Variants in ABCA12 observed in about 807,000 individuals in gnomAD.
The protein encoded by ABCA12 is glucosylceramide transporter ABCA12.
In ABCA12, 156 loss-of-function variants were observed where a neutral mutation model predicts 293.5. The observed-to-expected ratio is 0.53, with a 90% CI of 0.47 to 0.61. ABCA12 has a LOEUF of 0.61. Ranked by LOEUF, ABCA12 falls within the 20% of genes least tolerant of loss-of-function variation. The probability of loss-of-function intolerance (pLI) is 0.00; values close to 1 mark genes in which losing one functional copy is unlikely to be tolerated. For synonymous variants in ABCA12, 1,063 were observed against 1,108.0 expected (o/e 0.96, Z 0.81); for missense variants, 2,797 against 3,090.2 (o/e 0.91, Z 2.25).
intron 2 of ABCA12, among the ~76,000 whole-genome samples, chr2:215,111,043 C>T (rs776586457): frequency 3.3e-5 from 5 of 152,350 alleles, no homozygotes; most frequent in Admixed American, 1.3e-4. Context: ...AAGAAAATAA[C>T]GGAGTGTCGG....
rs181244475 is a variant in ABCA12 at position 214,967,121 on chromosome 2, C to T, written c.5779-168G>A. Among the ~76,000 whole-genome samples, 412 of 152,158 alleles carry T rather than the reference C, an allele frequency of 2.7e-3. 1 individual carries two copies. The highest frequency in any genetic ancestry group is 9.7e-3 in the African/African-American group (401 of 41,514). On this transcript the variant is annotated intron_variant, in intron 38 of 52. Transcript: ENST00000272895. ...TGTTCTCTAGAGTACTGACCATAGG[C>T]CTATAAATTTCCAATTTAGAAACAG...
rs1291238079 is a variant in ABCA12 at position 215,011,333 on chromosome 2, T to G, written c.2332+106A>C. 9.3e-6 allele frequency: 8 copies of G among 858,864 alleles called. 1 individual carries two copies. The highest frequency in any genetic ancestry group is 1.5e-5 in the Non-Finnish European group (8 of 535,892). The allele number at this position is 858,864 out of a possible 1,614,324, so 53.2% of individuals were successfully genotyped here. On this transcript the variant is annotated intron_variant, in intron 17 of 52. Coordinates refer to ENST00000272895, the MANE Select transcript of ABCA12 (RefSeq NM_173076.3). ...GTATAATTATTTTCTATTTTTATTC[T>G]TGGGGAAAATTAATACTTCATTTAT...
chr2:215,016,609 A>AAAAAAAAAAAAAAAAAAAAAC (rs1700511530), intron 14 of ABCA12, among the ~76,000 whole-genome samples: 1 of 143,998 alleles, frequency 6.9e-6, no homozygotes, highest in Non-Finnish European at 1.5e-5. Context: ...AAAAAAAAAA[A>AAAAAAAAAAAAAAAAAAAAAC]AAAAAGACTT....
chr2:215,116,108 T>C (rs964803347), intron 1 of ABCA12, among the ~76,000 whole-genome samples: 1 of 152,190 alleles, frequency 6.6e-6, no homozygotes, highest in Non-Finnish European at 1.5e-5. Context: ...ATGAGCAAAA[T>C]GGGCATAAAC....
intron 44 of ABCA12, among the ~76,000 whole-genome samples, chr2:214,951,676 G>T (rs1698776485): frequency 1.3e-5 from 2 of 152,170 alleles, no homozygotes; most frequent in African/African-American, 4.8e-5. Context: ...AGAATTGCTT[G>T]AACCTGGGAG....
chr2:214,932,611 T>G lies in ABCA12; in HGVS notation c.*23A>C. 471 of 1,532,858 alleles carry G rather than the reference T, an allele frequency of 3.1e-4. No homozygotes were observed. Among genetic ancestry groups the G allele is most frequent in the Non-Finnish European group, 3.8e-4 (422 of 1,106,492 alleles). 95.0% of individuals were successfully genotyped at this position (1,532,858 alleles called of 1,614,324 possible). On this transcript the variant is annotated 3_prime_UTR_variant, in exon 53 of 53. Coordinates refer to ENST00000272895, the MANE Select transcript of ABCA12 (RefSeq NM_173076.3). ...CAAAATGAAGCCATTGGTCACACGC[T>G]GAGATTGAGTTTGCTGGAAGTGTTA...
chr2:215,034,953 A>G (rs544801077), intron 8 of ABCA12, among the ~76,000 whole-genome samples: 2 of 152,338 alleles, frequency 1.3e-5, no homozygotes, highest in South Asian at 4.2e-4. Context: ...ATAACAGAGT[A>G]AAAAACCAAG....
intron 2 of ABCA12, 43 bp from the exon 3 acceptor site, chr2:215,064,262 G>C (rs746280510): frequency 1.3e-6 from 2 of 1,597,110 alleles, no homozygotes; most frequent in South Asian, 2.2e-5. Context: ...TGGCACATTT[G>C]TCTGGGAAAG....
chr2:214,942,556 A>G (rs1049896757), intron 50 of ABCA12, among the ~76,000 whole-genome samples: 3 of 152,204 alleles, frequency 2.0e-5, no homozygotes, highest in African/African-American at 4.8e-5. Context: ...GATACAATCT[A>G]TGCCTTCATT....
intron 50 of ABCA12, among the ~76,000 whole-genome samples, chr2:214,937,969 A>G (rs1698273006): frequency 6.6e-6 from 1 of 151,932 alleles, no homozygotes; most frequent in South Asian, 2.1e-4. Flanking sequence ...TGTGTTTATT[A>G]TTATACTTTA....
At chr2:215,122,968 T>G (rs1407420909) in intron 1 of ABCA12, among the ~76,000 whole-genome samples, 1 of 152,118 alleles carries the variant, frequency 6.6e-6, no homozygotes, top group Non-Finnish European at 1.5e-5. Context: ...CCAGAGTATT[T>G]TTTCTGTCTT....
Position 215,114,541 on chromosome 2 carries a change from A to G in ABCA12, c.70-2851T>C, listed in dbSNP as rs561555630. Among the ~76,000 whole-genome samples, 282 of 152,238 alleles carry G rather than the reference A, an allele frequency of 1.9e-3. 2 individuals carry two copies. Among genetic ancestry groups the G allele is most frequent in the African/African-American group, 6.3e-3 (261 of 41,554 alleles). ...AGGAGACAAGGATCTGAATCCCAAG[A>G]TACATAGGAGGCCAGGATTCTTTTT... On this transcript the variant is annotated intron_variant, in intron 1 of 52. Transcript: ENST00000272895.
At chr2:215,102,854 G>A (rs1383340826) in intron 2 of ABCA12, among the ~76,000 whole-genome samples, 2 of 152,168 alleles carry the variant, frequency 1.3e-5, no homozygotes, top group African/African-American at 2.4e-5. Context: ...CTACGTTGGA[G>A]CTAAGGAAAA....
chr2:215,030,318 G>A (rs751343786), intron 9 of ABCA12: 4 of 152,124 alleles, frequency 2.6e-5, no homozygotes, highest in Non-Finnish European at 4.4e-5. Flanking sequence ...TATTTGGCCG[G>A]GCGCAGTGGC....
Position 215,015,604 on chromosome 2 carries a change from T to C in ABCA12, c.1842A>G (p.Leu614=), listed in dbSNP as rs1400053955. The C allele has an allele frequency of 1.2e-6, 2 of 1,613,968 alleles. No individual in the cohort carries two copies. The highest frequency in any genetic ancestry group is 2.2e-5 in the South Asian group (2 of 91,076). The change falls in exon 15 of 53, where the codon CTA becomes CTG. Residue 614 remains leucine, a synonymous_variant. Coordinates refer to ENST00000272895, the MANE Select transcript of ABCA12 (RefSeq NM_173076.3). ...TGCAGAATTCTTTCATTGCATCTTC[T>C]AGTTTGGGAGTGGTGATATTAGTAT... is the stretch of plus-strand genomic sequence containing the variant. The part of the protein sequence containing the change: ...SCDTNITTPK[L]EDAMKEFCNL...
chr2:215,138,015 T>C (rs1703268434), intron 1 of ABCA12, 125 bp downstream of exon 1: 1 of 987,554 alleles, frequency 1.0e-6, no homozygotes, highest in Non-Finnish European at 1.6e-6. Context: ...ATTCTAAATA[T>C]CTTACTTCCT....
At chr2:215,039,190 T>C (rs1575003284) in intron 7 of ABCA12, 1 of 152,242 alleles carries the variant, frequency 6.6e-6, no homozygotes, top group Non-Finnish European at 1.5e-5. Flanking sequence ...TAACATTATA[T>C]AATCTGATTT....
At chr2:215,051,678 T>G (rs1575011828) in intron 5 of ABCA12, among the ~76,000 whole-genome samples, 2 of 117,906 alleles carry the variant, frequency 1.7e-5, no homozygotes, top group Non-Finnish European at 3.7e-5. Context: ...AGAAGAAAGG[T>G]GAGTGGGAGA....
intron 13 of ABCA12, among the ~76,000 whole-genome samples, chr2:215,019,037 C>T (rs1700566213): frequency 6.6e-6 from 1 of 152,188 alleles, no homozygotes. Context: ...GTTGCCCTTG[C>T]AGCTGACTAT....
Sources: gnomAD v4.1 joint callset for allele counts (sites outside exome capture counted in the v4.1 genomes callset) on GRCh38, gnomAD v4.1.1 for gene constraint, MANE v1.5 for transcripts, NCBI Gene and HGNC (gene_info 2026-07-23, HGNC 2026-07-21) for gene names.